RPS6KC1: variants seen among roughly 807,000 people sequenced by gnomAD.
The protein encoded by RPS6KC1 is ribosomal protein S6 kinase C1, also known as inactive ribosomal protein S6 kinase delta-1.
A neutral mutation model predicts 103.8 loss-of-function variants in RPS6KC1; 54 were observed. The ratio of observed to expected loss-of-function variants is 0.52; its 90% confidence interval spans 0.42 to 0.65. The LOEUF (loss-of-function observed/expected upper bound fraction) is 0.65. Ranked by LOEUF, RPS6KC1 falls within the 30% of genes least tolerant of loss-of-function variation. The probability of loss-of-function intolerance (pLI) is 0.00; values close to 1 mark genes in which losing one functional copy is unlikely to be tolerated. For missense variants in RPS6KC1, 1,151 were observed against 1,253.8 expected (o/e 0.92, Z 1.24); for synonymous variants, 439 against 438.7 (o/e 1.00, Z -0.01).
chr1:213,583,652 C>G, the RPS6KC1 span, among the ~76,000 whole-genome samples: 20,783 of 151,620 alleles, frequency 0.14, 1,546 homozygotes, highest in Non-Finnish European at 0.17. Context: ...GAAACCCTGT[C>G]TATTTGAAAA....
At chr1:213,253,585 C>G (rs907096819) in intron 12 of RPS6KC1, among the ~76,000 whole-genome samples, 1 of 152,068 alleles carries the variant, frequency 6.6e-6, no homozygotes, top group South Asian at 2.1e-4. Flanking sequence ...AATGTTAGAT[C>G]TGTCTTTGGT....
At chr1:213,810,145 A>G in the RPS6KC1 span, among the ~76,000 whole-genome samples, 4 of 152,228 alleles carry the variant, frequency 2.6e-5, no homozygotes, top group African/African-American at 9.6e-5. Flanking sequence ...AATAATGTGG[A>G]ATCAGGCAAG....
chr1:213,068,420 G>A (rs1281177162), intron 1 of RPS6KC1, among the ~76,000 whole-genome samples: 9 of 130,354 alleles, frequency 6.9e-5, no homozygotes, highest in African/African-American at 1.2e-4. Flanking sequence ...GGAGGTGGAG[G>A]TTGCAGTGAG....
intron 2 of RPS6KC1, among the ~76,000 whole-genome samples, chr1:213,074,383 TTA>T (rs1409667341): frequency 1.3e-5 from 2 of 152,202 alleles, no homozygotes; most frequent in African/African-American, 4.8e-5. Context: ...AAAGAGGTTG[TTA>T]TAGACCTATT....
chr1:213,389,513 T>C, the RPS6KC1 span, among the ~76,000 whole-genome samples: 2 of 152,168 alleles, frequency 1.3e-5, no homozygotes, highest in African/African-American at 4.8e-5. Flanking sequence ...CGCGTGCACA[T>C]GCGTGTGGAC....
the RPS6KC1 span, among the ~76,000 whole-genome samples, chr1:213,706,723 A>G: frequency 6.6e-6 from 1 of 151,734 alleles, no homozygotes; most frequent in Non-Finnish European, 1.5e-5. Context: ...GACAGGCCCC[A>G]GTGTGTGTTG....
chr1:213,343,440 TAC>T, the RPS6KC1 span, among the ~76,000 whole-genome samples: 6 of 80,384 alleles, frequency 7.5e-5, no homozygotes, highest in Non-Finnish European at 1.0e-4. Flanking sequence ...TATATATATA[TAC>T]ATACCATGGA....
At chr1:213,803,475 G>GATCCC in the RPS6KC1 span, among the ~76,000 whole-genome samples, 2 of 152,012 alleles carry the variant, frequency 1.3e-5, no homozygotes, top group East Asian at 3.9e-4. Flanking sequence ...TCAAACTCCC[G>GATCCC]ATCCCAGGTG....
At chr1:213,645,901 AG>A in the RPS6KC1 span, among the ~76,000 whole-genome samples, 1 of 152,206 alleles carries the variant, frequency 6.6e-6, no homozygotes, top group Non-Finnish European at 1.5e-5. Context: ...GAAAGAAATC[AG>A]GCCACACTTC....
chr1:213,588,112 C>G, the RPS6KC1 span, among the ~76,000 whole-genome samples: 16,602 of 151,936 alleles, frequency 0.11, 1,507 homozygotes, highest in African/African-American at 0.25. Context: ...GTCTCTCTCT[C>G]TCACCCAGAC....
chr1:213,718,879 C>G, the RPS6KC1 span, among the ~76,000 whole-genome samples: 2 of 152,184 alleles, frequency 1.3e-5, no homozygotes, highest in African/African-American at 4.8e-5. Context: ...AATAAGCAAC[C>G]AGCTGATTCT....
chr1:213,193,179 T>C (rs2092814097), intron 8 of RPS6KC1, among the ~76,000 whole-genome samples: 1 of 152,186 alleles, frequency 6.6e-6, no homozygotes, highest in South Asian at 2.1e-4. Context: ...TCTATAGCCA[T>C]TGGAAGGAGT....
At chr1:213,710,777 C>T in the RPS6KC1 span, among the ~76,000 whole-genome samples, 3 of 152,016 alleles carry the variant, frequency 2.0e-5, no homozygotes, top group Non-Finnish European at 2.9e-5. Flanking sequence ...ATTTATGGAG[C>T]TTAGTTTGGC....
the RPS6KC1 span, among the ~76,000 whole-genome samples, chr1:213,787,734 A>G: frequency 3.3e-5 from 5 of 152,206 alleles, no homozygotes; most frequent in African/African-American, 4.8e-5. Context: ...CACTTTAACA[A>G]TCTGACAAAT....
At chr1:213,860,408 A>C in the RPS6KC1 span, among the ~76,000 whole-genome samples, 1 of 151,930 alleles carries the variant, frequency 6.6e-6, no homozygotes, top group Non-Finnish European at 1.5e-5. Flanking sequence ...AGAGAAACAA[A>C]AAAAAAATAC....
chr1:213,362,834 G>T, the RPS6KC1 span, among the ~76,000 whole-genome samples: 1 of 152,086 alleles, frequency 6.6e-6, no homozygotes, highest in African/African-American at 2.4e-5. Context: ...CTTAATAGAA[G>T]AAAAAATACT....
chr1:213,158,799 G>A (rs187334584), intron 6 of RPS6KC1, among the ~76,000 whole-genome samples: 17 of 152,062 alleles, frequency 1.1e-4, no homozygotes, highest in Non-Finnish European at 1.9e-4. Context: ...CCTTTTTTAA[G>A]GAAGAGAAGG....
At chr1:213,197,408 G>A (rs897645344) in intron 8 of RPS6KC1, among the ~76,000 whole-genome samples, 4 of 152,216 alleles carry the variant, frequency 2.6e-5, no homozygotes, top group South Asian at 2.1e-4. Flanking sequence ...CATTCTACCC[G>A]TCCATCAGGA....
At chr1:213,808,977 T>G in the RPS6KC1 span, among the ~76,000 whole-genome samples, 3 of 152,250 alleles carry the variant, frequency 2.0e-5, no homozygotes, top group Non-Finnish European at 4.4e-5. Flanking sequence ...GAGTAGCACT[T>G]TTAATTTCCT....
Sources: gnomAD v4.1 joint callset for allele counts (sites outside exome capture counted in the v4.1 genomes callset) on GRCh38, gnomAD v4.1.1 for gene constraint, MANE v1.5 for transcripts, NCBI Gene and HGNC (gene_info 2026-07-23, HGNC 2026-07-21) for gene names.